LINGO2: variants seen among roughly 807,000 people sequenced by gnomAD.
LINGO2 encodes the protein leucine-rich repeat and immunoglobulin-like domain-containing nogo receptor-interacting protein 2.
In LINGO2, 14 loss-of-function variants were observed where a neutral mutation model predicts 30.6. That is an observed-to-expected ratio of 0.46 (90% confidence interval 0.30 to 0.72). The LOEUF is 0.72. LINGO2 is among the 30% of genes least tolerant of loss of function. The pLI is 0.07. For synonymous variants in LINGO2, 317 were observed against 288.5 expected (o/e 1.10, Z -1.00); for missense variants, 729 against 751.7 (o/e 0.97, Z 0.35).
At chr9:28,495,070 T>C (rs1819549931) in intron 1 of LINGO2, among the ~76,000 whole-genome samples, 1 of 150,992 alleles carries the variant, frequency 6.6e-6, no homozygotes, top group East Asian at 1.9e-4. Flanking sequence ...GGGTTGTTTG[T>C]TTTTTCTTGT....
In LINGO2 at chr9:28,433,966, T is replaced by TATACAC. The variant is rs752778212; in HGVS notation, c.-279+41973_-279+41974insGTGTAT. Among the ~76,000 whole-genome samples, 68 of 100,030 alleles carry TATACAC rather than the reference T, an allele frequency of 6.8e-4. 3 individuals are homozygous for TATACAC. The highest frequency in any genetic ancestry group is 1.3e-3 in the Non-Finnish European group (57 of 42,270). The allele number at this position is 100,030 out of a possible 152,430, so 65.6% of individuals were successfully genotyped here. On this transcript the variant is annotated intron_variant, in intron 2 of 5. Coordinates refer to ENST00000379992, the Ensembl canonical transcript of LINGO2. ...CTCTCTCTCTATATATATATATATA[T>TATACAC]ACACACACACACATGAAAATACTAC...
the LINGO2 span, among the ~76,000 whole-genome samples, chr9:29,009,662 C>T: frequency 8.0e-4 from 122 of 152,148 alleles, no homozygotes; most frequent in Admixed American, 3.0e-3. Flanking sequence ...ACTTTCTTCA[C>T]AGAATTGGAA....
At chr9:28,102,503 G>A (rs1826447366) in intron 4 of LINGO2, among the ~76,000 whole-genome samples, 1 of 152,018 alleles carries the variant, frequency 6.6e-6, no homozygotes, top group Admixed American at 6.6e-5. Context: ...GAGGGCAAAC[G>A]GATCAGTAAT....
At chr9:28,013,764 A>C (rs909536475) in intron 4 of LINGO2, among the ~76,000 whole-genome samples, 1 of 152,078 alleles carries the variant, frequency 6.6e-6, no homozygotes, top group Non-Finnish European at 1.5e-5. Flanking sequence ...CCCTACTTTC[A>C]ACTTGGAGTT....
At chr9:28,641,531 AC>A (rs1827579240) in intron 1 of LINGO2, among the ~76,000 whole-genome samples, 1 of 152,182 alleles carries the variant, frequency 6.6e-6, no homozygotes, top group African/African-American at 2.4e-5. Context: ...AGGGCCTCTA[AC>A]TAGAGGAGAC....
chr9:28,348,734 G>A (rs1347709589), intron 3 of LINGO2, among the ~76,000 whole-genome samples: 2 of 151,828 alleles, frequency 1.3e-5, no homozygotes, highest in Non-Finnish European at 2.9e-5. Context: ...AACCTCTGCA[G>A]ACTTAAATGT....
the LINGO2 span, among the ~76,000 whole-genome samples, chr9:28,730,466 GT>G: frequency 6.6e-6 from 1 of 152,176 alleles, no homozygotes; most frequent in Non-Finnish European, 1.5e-5. Context: ...TTAACTAAAT[GT>G]TTGTGGAATG....
the LINGO2 span, among the ~76,000 whole-genome samples, chr9:29,007,117 C>T: frequency 6.6e-6 from 1 of 152,016 alleles, no homozygotes; most frequent in South Asian, 2.1e-4. Flanking sequence ...TTTCCAGCCA[C>T]TTTATTATTT....
At chr9:29,051,025 TTC>T in the LINGO2 span, among the ~76,000 whole-genome samples, 1 of 152,166 alleles carries the variant, frequency 6.6e-6, no homozygotes. Context: ...TACTTTTATG[TTC>T]CCGGCAAAAT....
chr9:28,355,572 A>C (rs1030379866), intron 3 of LINGO2, among the ~76,000 whole-genome samples: 1 of 152,098 alleles, frequency 6.6e-6, no homozygotes, highest in Non-Finnish European at 1.5e-5. Flanking sequence ...GAACAAGTGA[A>C]GGTGGGTCTG....
the LINGO2 span, among the ~76,000 whole-genome samples, chr9:29,062,278 C>A: frequency 6.6e-6 from 1 of 152,014 alleles, no homozygotes; most frequent in Non-Finnish European, 1.5e-5. Context: ...AACTGTATTG[C>A]AGTTCCTCAA....
intron 4 of LINGO2, among the ~76,000 whole-genome samples, chr9:28,170,913 G>T (rs920785958): frequency 1.3e-5 from 2 of 152,092 alleles, no homozygotes; most frequent in African/African-American, 2.4e-5. Flanking sequence ...AAGTCCCTTG[G>T]TTACATAAGC....
At chr9:29,182,882 C>T in the LINGO2 span, among the ~76,000 whole-genome samples, 4 of 151,792 alleles carry the variant, frequency 2.6e-5, no homozygotes, top group South Asian at 2.1e-4. Flanking sequence ...GATAAAAATC[C>T]ACCAAAATTA....
chr9:29,105,394 T>G, the LINGO2 span, among the ~76,000 whole-genome samples: 1 of 152,162 alleles, frequency 6.6e-6, no homozygotes, highest in African/African-American at 2.4e-5. Flanking sequence ...TAAAGGAAGA[T>G]GAATTTTTCT....
the LINGO2 span, among the ~76,000 whole-genome samples, chr9:28,676,287 G>A: frequency 6.6e-6 from 1 of 151,902 alleles, no homozygotes; most frequent in Admixed American, 6.6e-5. Context: ...GAGCAATAGA[G>A]AGAAGACAGG....
chr9:28,096,518 A>T (rs1315465527), intron 4 of LINGO2, among the ~76,000 whole-genome samples: 2 of 152,182 alleles, frequency 1.3e-5, no homozygotes, highest in East Asian at 3.9e-4. Flanking sequence ...TGGTTAAATG[A>T]CTGTACCCAA....
At chr9:27,951,009 A>T (rs1384891363) in intron 5 of LINGO2, among the ~76,000 whole-genome samples, 1 of 152,230 alleles carries the variant, frequency 6.6e-6, no homozygotes, top group Non-Finnish European at 1.5e-5. Context: ...TGTGACACAG[A>T]CTGTGAGACA....
chr9:29,102,344 G>A, the LINGO2 span, among the ~76,000 whole-genome samples: 1 of 152,128 alleles, frequency 6.6e-6, no homozygotes, highest in Non-Finnish European at 1.5e-5. Flanking sequence ...GCCTCCCAAA[G>A]AGCTGGGATT....
the LINGO2 span, among the ~76,000 whole-genome samples, chr9:28,756,460 G>A: frequency 6.6e-6 from 1 of 151,974 alleles, no homozygotes; most frequent in Non-Finnish European, 1.5e-5. Context: ...ATGTTAGAAT[G>A]AGTTAAGACT....
Sources: gnomAD v4.1 joint callset for allele counts (sites outside exome capture counted in the v4.1 genomes callset) on GRCh38, gnomAD v4.1.1 for gene constraint, MANE v1.5 for transcripts, NCBI Gene and HGNC (gene_info 2026-07-23, HGNC 2026-07-21) for gene names.